CRIM1: variants seen among roughly 807,000 people sequenced by gnomAD.
CRIM1 encodes cysteine-rich motor neuron 1 protein.
Under a neutral mutation model 116.4 loss-of-function variants are expected in CRIM1, and 32 were observed. The observed-to-expected ratio is 0.27, with a 90% CI of 0.21 to 0.37. The LOEUF (loss-of-function observed/expected upper bound fraction) is 0.37, where lower values mean the gene tolerates loss of function less well. Ranked by LOEUF, CRIM1 falls within the 10% of genes least tolerant of loss-of-function variation. The pLI, the probability that CRIM1 is intolerant of heterozygous loss-of-function variation, is 1.00. For missense variants in CRIM1, 1,331 were observed against 1,354.8 expected (o/e 0.98, Z 0.28); for synonymous variants, 590 against 509.2 (o/e 1.16, Z -2.13).
intron 3 of CRIM1, among the ~76,000 whole-genome samples, chr2:36,441,988 A>T (rs558978357): frequency 6.6e-6 from 1 of 152,180 alleles, no homozygotes; most frequent in Non-Finnish European, 1.5e-5. Flanking sequence ...CTCTTTGCCA[A>T]TTCCCCCGCA....
At chr2:36,505,304 G>A (rs538229419) in intron 8 of CRIM1, among the ~76,000 whole-genome samples, 15 of 152,252 alleles carry the variant, frequency 9.9e-5, no homozygotes, top group African/African-American at 2.6e-4. Flanking sequence ...ATGACTTTAC[G>A]TGAAATGACA....
At position 36,479,649 on chromosome 2, in the gene CRIM1, A is replaced by G. The variant is rs775804277; in HGVS notation, c.1327A>G (p.Thr443Ala). Reference sequence around the variant, plus strand: ...TGCGACCGTCTGCGGACAGACCTGCACAAACCCTGTGAAAGTGCCTGGGGA... The same window carrying G: ...TGCGACCGTCTGCGGACAGACCTGCGCAAACCCTGTGAAAGTGCCTGGGGA... ...CVATVCGQTC[T>A]NPVKVPGECC... The change falls in exon 7 of 17, where the codon ACA (threonine) becomes GCA (alanine). Residue 443 changes from threonine (T) to alanine (A), a missense_variant. This residue lies in a region of CRIM1 where 690 missense variants were observed against 676.0 expected (regional missense o/e 1.02). Transcript: ENST00000280527. The G allele has an allele frequency of 4.3e-6, 7 of 1,614,090 alleles. No homozygotes were observed. Among genetic ancestry groups the G allele is most frequent in the Middle Eastern group, 3.3e-4 (2 of 6,084 alleles).
chr2:36,358,334 T>G (rs1668993815), intron 1 of CRIM1, among the ~76,000 whole-genome samples: 1 of 152,250 alleles, frequency 6.6e-6, no homozygotes, highest in Non-Finnish European at 1.5e-5. Flanking sequence ...AGTGTATAAC[T>G]TAATCCGGCC....
At chr2:36,503,519 A>G (rs1285622380) in intron 8 of CRIM1, among the ~76,000 whole-genome samples, 1 of 152,122 alleles carries the variant, frequency 6.6e-6, no homozygotes, top group East Asian at 1.9e-4. Flanking sequence ...GCCAACATGG[A>G]AAGCCCCCAG....
At chr2:36,497,344 C>T (rs1399706327) in intron 7 of CRIM1, among the ~76,000 whole-genome samples, 1 of 152,108 alleles carries the variant, frequency 6.6e-6, no homozygotes, top group Non-Finnish European at 1.5e-5. Flanking sequence ...TTGCCTTCTA[C>T]GCTCTCTCAT....
intron 10 of CRIM1, 136 bp downstream of exon 10, chr2:36,512,530 G>A (rs751956672): frequency 2.5e-5 from 22 of 864,160 alleles, no homozygotes; most frequent in East Asian, 1.5e-4. Flanking sequence ...CTGTGGGACC[G>A]TCCCACAGGA....
chr2:36,482,853 A>G (rs974705558), intron 7 of CRIM1, among the ~76,000 whole-genome samples: 5 of 152,204 alleles, frequency 3.3e-5, no homozygotes, highest in Non-Finnish European at 1.5e-5. Context: ...TAGGACCTCC[A>G]GGGAGGAAGA....
chr2:36,498,209 T>C (rs954818881), intron 7 of CRIM1, among the ~76,000 whole-genome samples: 2 of 152,206 alleles, frequency 1.3e-5, no homozygotes, highest in East Asian at 1.9e-4. Context: ...CCTGGCATTA[T>C]ATAAACTGTC....
At chr2:36,427,910 A>G (rs1294205851) in intron 2 of CRIM1, among the ~76,000 whole-genome samples, 1 of 152,150 alleles carries the variant, frequency 6.6e-6, no homozygotes, top group East Asian at 1.9e-4. Context: ...GCCTATCAGC[A>G]CCTGGCTGGT....
At chr2:36,468,714 C>T (rs1160601800) in intron 5 of CRIM1, among the ~76,000 whole-genome samples, 1 of 152,188 alleles carries the variant, frequency 6.6e-6, no homozygotes, top group African/African-American at 2.4e-5. Context: ...ACAATGGCCT[C>T]TACTGTTAGA....
intron 4 of CRIM1, among the ~76,000 whole-genome samples, chr2:36,456,180 A>G (rs1677116209): frequency 6.6e-6 from 1 of 152,060 alleles, no homozygotes; most frequent in Non-Finnish European, 1.5e-5. Flanking sequence ...TCAACCTCCC[A>G]TTGTGTTCTC....
At chr2:36,458,277 A>C (rs542290492) in intron 4 of CRIM1, among the ~76,000 whole-genome samples, 3 of 152,262 alleles carry the variant, frequency 2.0e-5, no homozygotes, top group African/African-American at 7.2e-5. Flanking sequence ...CCACACCAGG[A>C]GGATACCTCT....
chr2:36,373,345 A>G (rs1186324131), intron 1 of CRIM1, among the ~76,000 whole-genome samples: 1 of 152,210 alleles, frequency 6.6e-6, no homozygotes, highest in East Asian at 1.9e-4. Flanking sequence ...ACTGAAAAAT[A>G]GACTTCCTGG....
chr2:36,471,145 G>T (rs981899136), intron 5 of CRIM1, among the ~76,000 whole-genome samples: 3 of 152,326 alleles, frequency 2.0e-5, no homozygotes, highest in Admixed American at 2.0e-4. Flanking sequence ...GATGAGCAAA[G>T]AAAGTAGTTT....
At chr2:36,449,247 A>G (rs962020115) in intron 4 of CRIM1, among the ~76,000 whole-genome samples, 3 of 152,164 alleles carry the variant, frequency 2.0e-5, no homozygotes, top group Admixed American at 6.5e-5. Flanking sequence ...CTCCTGTTTC[A>G]TAGAGGGAGC....
intron 2 of CRIM1, among the ~76,000 whole-genome samples, chr2:36,404,202 T>C (rs1286686557): frequency 6.6e-6 from 1 of 152,170 alleles, no homozygotes; most frequent in Non-Finnish European, 1.5e-5. Context: ...TAAAACACAA[T>C]TGCCAGTGCC....
intron 13 of CRIM1, among the ~76,000 whole-genome samples, chr2:36,528,551 G>A (rs1046641865): frequency 1.3e-5 from 2 of 152,242 alleles, no homozygotes; most frequent in African/African-American, 4.8e-5. Flanking sequence ...ATGATCCACT[G>A]TGATTCCTGG....
At chr2:36,395,291 C>G (rs528605612) in intron 1 of CRIM1, among the ~76,000 whole-genome samples, 1 of 152,082 alleles carries the variant, frequency 6.6e-6, no homozygotes, top group Non-Finnish European at 1.5e-5. Context: ...CATGAGCCAC[C>G]ACTCCCAGCC....
intron 4 of CRIM1, among the ~76,000 whole-genome samples, chr2:36,444,223 A>G (rs924597631): frequency 6.6e-6 from 1 of 152,220 alleles, no homozygotes; most frequent in African/African-American, 2.4e-5. Flanking sequence ...ATCTGCACAT[A>G]GGAGGCACGG....
Sources: allele counts gnomAD v4.1 joint callset (sites outside exome capture counted in the v4.1 genomes callset), GRCh38; gene constraint gnomAD v4.1.1; regional missense constraint gnomAD v4.1.1; transcripts MANE v1.5; gene names NCBI Gene and HGNC (gene_info 2026-07-23, HGNC 2026-07-21).